Variants in PIK3AP1 observed in about 807,000 individuals in gnomAD.
PIK3AP1 encodes the protein phosphoinositide 3-kinase adapter protein 1.
A neutral mutation model predicts 88.1 loss-of-function variants in PIK3AP1; 21 were observed. The observed-to-expected ratio is 0.24, with a 90% CI of 0.17 to 0.34. PIK3AP1 has a LOEUF of 0.34. Among genes scored for constraint, PIK3AP1 ranks in the 10% least tolerant of loss-of-function variants. The pLI, the probability that PIK3AP1 is intolerant of heterozygous loss-of-function variation, is 1.00. For missense variants in PIK3AP1, 828 were observed against 1,035.7 expected (o/e 0.80, Z 2.75); for synonymous variants, 398 against 400.0 (o/e 1.00, Z 0.06).
intron 13 of PIK3AP1, among the ~76,000 whole-genome samples, chr10:96,610,346 C>T (rs929220928): frequency 9.2e-5 from 14 of 152,136 alleles, no homozygotes; most frequent in Non-Finnish European, 1.3e-4. Context: ...TCATTTAACC[C>T]CCACAACACC....
At chr10:96,677,761 T>C (rs928466843) in intron 2 of PIK3AP1, among the ~76,000 whole-genome samples, 1 of 152,210 alleles carries the variant, frequency 6.6e-6, no homozygotes, top group Non-Finnish European at 1.5e-5. Context: ...TGGTTTTCAC[T>C]GTTCATTTAG....
At chr10:96,633,399 CAA>C (rs1352771149) in intron 8 of PIK3AP1, among the ~76,000 whole-genome samples, 1 of 152,058 alleles carries the variant, frequency 6.6e-6, no homozygotes, top group Non-Finnish European at 1.5e-5. Context: ...TATCTTGGGC[CAA>C]GTTTTTAAAA....
chr10:96,648,202 G>A (rs1482231497), intron 7 of PIK3AP1, among the ~76,000 whole-genome samples: 1 of 152,180 alleles, frequency 6.6e-6, no homozygotes, highest in African/African-American at 2.4e-5. Flanking sequence ...CCTGAAGGCG[G>A]GTGAGGCAGC....
At chr10:96,649,468 G>A (rs1435242844) in intron 6 of PIK3AP1, among the ~76,000 whole-genome samples, 2 of 152,198 alleles carry the variant, frequency 1.3e-5, no homozygotes, top group Non-Finnish European at 2.9e-5. Flanking sequence ...GGCTTAACTA[G>A]CAGCCACACA....
intron 2 of PIK3AP1, among the ~76,000 whole-genome samples, chr10:96,708,574 CAAAAAAAAAA>C (rs924470384): frequency 0.016 from 201 of 12,826 alleles, no homozygotes; most frequent in African/African-American, 0.04. Flanking sequence ...GGATCTGTCT[CAAAAAAAAAA>C]AAAAAAAAAA....
At chr10:96,714,100 G>A (rs1844472495) in intron 1 of PIK3AP1, among the ~76,000 whole-genome samples, 1 of 152,108 alleles carries the variant, frequency 6.6e-6, no homozygotes, top group East Asian at 1.9e-4. Context: ...CTTGAACCCG[G>A]GAGGCGGAGG....
At chr10:96,706,783 G>A (rs1275865414) in intron 2 of PIK3AP1, among the ~76,000 whole-genome samples, 1 of 152,036 alleles carries the variant, frequency 6.6e-6, no homozygotes, top group Non-Finnish European at 1.5e-5. Context: ...AGCTTGTCCA[G>A]CAAAAAAAAT....
At chr10:96,653,307 A>C (rs1224684016) in intron 3 of PIK3AP1, among the ~76,000 whole-genome samples, 1 of 149,296 alleles carries the variant, frequency 6.7e-6, no homozygotes, top group East Asian at 2.1e-4. Flanking sequence ...CAAGAGGCTG[A>C]GGCAGGAGAA....
chr10:96,702,310 C>A (rs953823847), intron 2 of PIK3AP1, among the ~76,000 whole-genome samples: 2 of 152,046 alleles, frequency 1.3e-5, no homozygotes, highest in Admixed American at 6.6e-5. Flanking sequence ...ACCATCCTGG[C>A]CAACATGGTG....
At chr10:96,683,446 A>T (rs1844028476) in intron 2 of PIK3AP1, among the ~76,000 whole-genome samples, 1 of 152,250 alleles carries the variant, frequency 6.6e-6, no homozygotes, top group Admixed American at 6.5e-5. Flanking sequence ...GAAAAAGGTA[A>T]GAAAAGACAC....
chr10:96,650,227 C>T (rs1401107308), intron 6 of PIK3AP1, among the ~76,000 whole-genome samples: 1 of 152,122 alleles, frequency 6.6e-6, no homozygotes, highest in Non-Finnish European at 1.5e-5. Flanking sequence ...CAGGAGAAGG[C>T]CTCGAAAGTC....
chr10:96,657,027 G>C (rs1317568653), intron 2 of PIK3AP1, 93 bp from the exon 3 acceptor site: 1 of 1,343,330 alleles, frequency 7.4e-7, no homozygotes, highest in Non-Finnish European at 1.0e-6. Context: ...TTGCAAAATA[G>C]GAAACGGCTC....
At chr10:96,664,868 G>A (rs1429484699) in intron 2 of PIK3AP1, among the ~76,000 whole-genome samples, 3 of 140,090 alleles carry the variant, frequency 2.1e-5, no homozygotes, top group Non-Finnish European at 4.4e-5. Flanking sequence ...AGTCCCAACA[G>A]GGCCAGGGTC....
intron 13 of PIK3AP1, 81 bp downstream of exon 13, chr10:96,616,558 A>G: frequency 1.4e-6 from 2 of 1,480,888 alleles, no homozygotes; most frequent in Non-Finnish European, 1.9e-6. Context: ...CTGCCCACTC[A>G]GGCCACAGCC....
rs144679353 is a variant in PIK3AP1 at position 96,663,907 on chromosome 10, A to C, written c.431-6973T>G. ...GCTATTTTAGCTTTTCAAATTAGAA[A>C]ATGCTGTGAAGTACACCCAATAAAC... On this transcript the variant is annotated intron_variant, in intron 2 of 16. Coordinates refer to ENST00000339364, the MANE Select transcript of PIK3AP1 (RefSeq NM_152309.3). Among the ~76,000 whole-genome samples, 83 of 152,342 alleles carry C rather than the reference A, an allele frequency of 5.4e-4. No homozygotes were observed. In the East Asian group the frequency reaches 0.015, roughly 27 times the overall value.
intron 2 of PIK3AP1, among the ~76,000 whole-genome samples, chr10:96,698,311 G>A (rs1430099998): frequency 6.6e-6 from 1 of 152,124 alleles, no homozygotes; most frequent in Non-Finnish European, 1.5e-5. Flanking sequence ...GAAGGGGGGA[G>A]TGGGAAGGAA....
chr10:96,713,979 G>A (rs1844470955), intron 1 of PIK3AP1, among the ~76,000 whole-genome samples: 1 of 152,228 alleles, frequency 6.6e-6, no homozygotes, highest in Middle Eastern at 3.4e-3. Context: ...TTCGAGACCA[G>A]CCTGACCAAT....
intron 2 of PIK3AP1, among the ~76,000 whole-genome samples, chr10:96,705,062 G>A (rs1017151027): frequency 6.6e-6 from 1 of 152,082 alleles, no homozygotes; most frequent in South Asian, 2.1e-4. Context: ...GTATCTCAAA[G>A]TTAAGAAAAA....
At chr10:96,690,403 T>C (rs1405172405) in intron 2 of PIK3AP1, among the ~76,000 whole-genome samples, 2 of 151,762 alleles carry the variant, frequency 1.3e-5, no homozygotes, top group African/African-American at 4.8e-5. Flanking sequence ...GCTGGGACTA[T>C]AGGTGTGCAC....
Sources: gnomAD v4.1 joint callset for allele counts (sites outside exome capture counted in the v4.1 genomes callset) on GRCh38, gnomAD v4.1.1 for gene constraint, MANE v1.5 for transcripts, NCBI Gene and HGNC (gene_info 2026-07-23, HGNC 2026-07-21) for gene names.